Variants in MYO6 observed in about 807,000 individuals in gnomAD.
MYO6 encodes unconventional myosin-VI.
A neutral mutation model predicts 178.7 loss-of-function variants in MYO6; 74 were observed. The observed-to-expected ratio is 0.41, with a 90% CI of 0.34 to 0.50. The LOEUF is 0.50. Ranked by LOEUF, MYO6 falls within the 20% of genes least tolerant of loss-of-function variation. The probability of loss-of-function intolerance (pLI) is 0.09; values close to 1 mark genes in which losing one functional copy is unlikely to be tolerated. For synonymous variants in MYO6, 477 were observed against 504.6 expected (o/e 0.95, Z 0.73); for missense variants, 1,330 against 1,547.4 (o/e 0.86, Z 2.36).
At chr6:75,783,398 G>A (rs957050830) in intron 1 of MYO6, among the ~76,000 whole-genome samples, 7 of 152,158 alleles carry the variant, frequency 4.6e-5, no homozygotes, top group African/African-American at 1.7e-4. Context: ...TGGAAATTAG[G>A]ACGTCGAAGT....
chr6:75,891,738 A>G (rs185925885), intron 27 of MYO6, among the ~76,000 whole-genome samples: 55 of 152,354 alleles, frequency 3.6e-4, no homozygotes, highest in African/African-American at 1.3e-3. Context: ...TATCCTAGAG[A>G]CCAAAGGCCA....
Position 75,914,897 on chromosome 6 carries a change from A to C in MYO6, c.3743A>C (p.Gln1248Pro). The C allele has an allele frequency of 1.2e-6, 2 of 1,614,176 alleles. No homozygotes were observed. Among genetic ancestry groups the C allele is most frequent in the Non-Finnish European group, 1.7e-6 (2 of 1,180,018 alleles). ...CGTGGTGCTGAGATCTTGCCAAGAC[A>C]GTTTGAAGAAATCTGGGAACGCTGT... Reference protein sequence around the residue: ...RKRGAEILPRQFEEIWERCGG... With the variant: ...RKRGAEILPRPFEEIWERCGG... The change falls in exon 35 of 35, where the codon CAG becomes CCG. Residue 1248 changes from glutamine to proline, a missense_variant. This residue lies in a region of MYO6 where 601 missense variants were observed against 626.1 expected (regional missense o/e 0.96). Coordinates refer to ENST00000369977, the MANE Select transcript of MYO6 (RefSeq NM_004999.4).
At chr6:75,806,482 C>T (rs1353404311) in intron 1 of MYO6, among the ~76,000 whole-genome samples, 2 of 152,136 alleles carry the variant, frequency 1.3e-5, no homozygotes. Flanking sequence ...AAGACATGTT[C>T]AGATTGTTGG....
rs568069203 is a variant in MYO6 at position 75,824,566 on chromosome 6, G to A, written c.187+1715G>A. ...TATACACTTGCACACACACACACAT[G>A]CACACACACACAGGGTCTCACATGC... On this transcript the variant is annotated intron_variant, in intron 3 of 34. Coordinates refer to ENST00000369977, the MANE Select transcript of MYO6 (RefSeq NM_004999.4). Among the ~76,000 whole-genome samples, 68 of 151,578 alleles carry A rather than the reference G, an allele frequency of 4.5e-4. No individual in the cohort carries two copies. In the South Asian group the frequency reaches 5.2e-3, roughly 12 times the overall value.
intron 1 of MYO6, among the ~76,000 whole-genome samples, chr6:75,815,873 T>C (rs1179408155): frequency 6.6e-6 from 1 of 152,116 alleles, no homozygotes; most frequent in Non-Finnish European, 1.5e-5. Flanking sequence ...AGATAAGTAG[T>C]GAAAAAATAA....
chr6:75,830,517 G>A lies in MYO6; in HGVS notation c.363G>A (p.Gly121=), dbSNP rs1772973509. 1.2e-6 allele frequency: 2 copies of A among 1,612,200 alleles called. No homozygotes were observed. Among genetic ancestry groups the A allele is most frequent in the Non-Finnish European group, 1.7e-6 (2 of 1,178,552 alleles). ...AGTCATATCAAGGAAAATCTCTTGGGACAAGACCACCTCATGTCTTTGCAA... is the reference window on the plus strand; with the variant it reads ...AGTCATATCAAGGAAAATCTCTTGGAACAAGACCACCTCATGTCTTTGCAA... The part of the protein sequence containing the change: ...AIKSYQGKSL[G]TRPPHVFAIA... Residue 121 remains glycine (G), a synonymous_variant, in exon 5 of 35, where the codon GGG becomes GGA. Coordinates refer to ENST00000369977, the MANE Select transcript of MYO6 (RefSeq NM_004999.4).
At chr6:75,787,557 A>G (rs1168625151) in intron 1 of MYO6, among the ~76,000 whole-genome samples, 1 of 151,224 alleles carries the variant, frequency 6.6e-6, no homozygotes, top group African/African-American at 2.4e-5. Flanking sequence ...CAGAAATCAG[A>G]TAAGTGGTGG....
At chr6:75,898,067 A>C (rs767992702) in intron 29 of MYO6, among the ~76,000 whole-genome samples, 1 of 152,330 alleles carries the variant, frequency 6.6e-6, no homozygotes, top group Non-Finnish European at 1.5e-5. Flanking sequence ...GATTTAGACC[A>C]TGTTATTTGT....
intron 20 of MYO6, among the ~76,000 whole-genome samples, chr6:75,878,749 CATA>C (rs1334298087): frequency 6.6e-6 from 1 of 152,164 alleles, no homozygotes; most frequent in African/African-American, 2.4e-5. Context: ...TGCCGTTTGT[CATA>C]ATACTATTTA....
chr6:75,849,565 T>G (rs1219790059), intron 11 of MYO6, among the ~76,000 whole-genome samples: 1 of 152,040 alleles, frequency 6.6e-6, no homozygotes, highest in Non-Finnish European at 1.5e-5. Flanking sequence ...ATTGGTGTGG[T>G]GGCTGCCTGC....
chr6:75,803,565 C>G (rs760598081), intron 1 of MYO6, among the ~76,000 whole-genome samples: 1 of 151,972 alleles, frequency 6.6e-6, no homozygotes, highest in Admixed American at 6.6e-5. Flanking sequence ...GTATCTCAGC[C>G]TAAAGCAGTG....
intron 14 of MYO6, among the ~76,000 whole-genome samples, chr6:75,859,520 G>C: frequency 6.6e-6 from 1 of 151,742 alleles, no homozygotes; most frequent in Admixed American, 6.6e-5. Context: ...GGCTAGTCTC[G>C]AACTCTTGGC....
At chr6:75,796,961 C>T (rs9447557) in intron 1 of MYO6, among the ~76,000 whole-genome samples, 3,112 of 152,130 alleles carry the variant, frequency 0.02, 106 homozygotes, top group African/African-American at 0.071. Flanking sequence ...TGTATGTGTA[C>T]TATATTTTCT....
intron 10 of MYO6, among the ~76,000 whole-genome samples, chr6:75,847,479 A>G (rs931668368): frequency 6.6e-6 from 1 of 151,802 alleles, no homozygotes; most frequent in Non-Finnish European, 1.5e-5. Context: ...AGTAACTTTT[A>G]TGTTTCTCCT....
At chr6:75,822,073 CT>C (rs1168800118) in intron 2 of MYO6, among the ~76,000 whole-genome samples, 38 of 142,054 alleles carry the variant, frequency 2.7e-4, no homozygotes, top group African/African-American at 4.6e-4. Flanking sequence ...TTTTTTCTGT[CT>C]TTTTTTTTTG....
chr6:75,857,016 G>T, intron 12 of MYO6, 81 bp from the exon 13 acceptor site: 1 of 1,299,662 alleles, frequency 7.7e-7, no homozygotes, highest in East Asian at 2.4e-5. Context: ...TCTTCTCTGT[G>T]TGTATGTTTA....
rs188568413 is a variant in MYO6, at chr6:75,917,728, A to G, written c.*2716A>G. 536 of 152,770 alleles carry G rather than the reference A, an allele frequency of 3.5e-3. 6 individuals carry two copies. The highest frequency in any genetic ancestry group is 0.01 in the Admixed American group (157 of 15,300). The allele number at this position is 152,770 out of a possible 1,614,324, so 9.5% of individuals were successfully genotyped here. ...AAGGAAAGAACATCTTAAGTGGAAA[A>G]TCAGTGGTGGTTGTGAACACTTAGA... On this transcript the variant is annotated 3_prime_UTR_variant, in exon 35 of 35. Coordinates refer to ENST00000369977, the MANE Select transcript of MYO6 (RefSeq NM_004999.4).
rs776347512 is a variant in MYO6 at position 75,844,997 on chromosome 6, A to T, written c.897+20A>T. 1.8e-5 allele frequency: 28 copies of T among 1,583,606 alleles called. No homozygotes were observed. Among genetic ancestry groups the T allele is most frequent in the Non-Finnish European group, 2.3e-5 (27 of 1,154,114 alleles). ...CCTGAGGTATAGTAGACCATTGTTC[A>T]TAAAATCTTTAACTTAAAAAAAAAC... On this transcript the variant is annotated intron_variant, in intron 10 of 34. Coordinates refer to ENST00000369977, the MANE Select transcript of MYO6 (RefSeq NM_004999.4).
In MYO6 at chr6:75,873,189, G is replaced by A; in HGVS notation, c.1984-18G>A. 1.3e-6 allele frequency: 2 copies of A among 1,597,998 alleles called. No homozygotes were observed. The highest frequency in any genetic ancestry group is 1.7e-6 in the Non-Finnish European group (2 of 1,165,528). Reference sequence around the variant, plus strand: ...AATGCTATATGTATTGTAACAAAAAGTACCTTTATTTTCCTAGGGAGCAAG... The same window carrying A: ...AATGCTATATGTATTGTAACAAAAAATACCTTTATTTTCCTAGGGAGCAAG... On this transcript the variant is annotated intron_variant, in intron 19 of 34. Coordinates refer to ENST00000369977, the MANE Select transcript of MYO6 (RefSeq NM_004999.4).
Sources: gnomAD v4.1 joint callset for allele counts (sites outside exome capture counted in the v4.1 genomes callset) on GRCh38, gnomAD v4.1.1 for gene constraint, gnomAD v4.1.1 regional missense constraint, MANE v1.5 for transcripts, NCBI Gene and HGNC (gene_info 2026-07-23, HGNC 2026-07-21) for gene names.